FMN1: variants seen among roughly 807,000 people sequenced by gnomAD.
The protein encoded by FMN1 is formin-1.
Under a neutral mutation model 132.4 loss-of-function variants are expected in FMN1, and 110 were observed. The observed-to-expected ratio is 0.83, with a 90% confidence interval of 0.71 to 0.97. FMN1 has a LOEUF of 0.97. FMN1 is among the 50% of genes least tolerant of loss of function. The pLI, the probability that FMN1 is intolerant of heterozygous loss-of-function variation, is 0.00. For missense variants in FMN1, 1,792 were observed against 1,705.3 expected (o/e 1.05, Z -0.90); for synonymous variants, 722 against 651.7 (o/e 1.11, Z -1.64).
intron 19 of FMN1, among the ~76,000 whole-genome samples, chr15:32,789,252 C>A (rs1218743950): frequency 2.0e-5 from 3 of 152,092 alleles, no homozygotes; most frequent in African/African-American, 7.2e-5. Context: ...GAATAAAAAA[C>A]CAAATCATTA....
intron 15 of FMN1, among the ~76,000 whole-genome samples, chr15:32,892,357 A>G (rs965098876): frequency 6.6e-6 from 1 of 152,334 alleles, no homozygotes; most frequent in Admixed American, 6.5e-5. Flanking sequence ...GTGTTATCAC[A>G]TTTATTAACT....
At chr15:32,970,679 A>C in intron 7 of FMN1, 2 of 152,344 alleles carry the variant, frequency 1.3e-5, no homozygotes. Flanking sequence ...CCTTGGAGGG[A>C]AAGGTATACA....
chr15:33,096,462 C>G (rs913090674), intron 4 of FMN1, among the ~76,000 whole-genome samples: 5 of 152,160 alleles, frequency 3.3e-5, no homozygotes, highest in African/African-American at 9.7e-5. Flanking sequence ...CATCCAGATT[C>G]GTAAATCGCC....
At chr15:33,089,561 T>C (rs1352404755) in intron 4 of FMN1, among the ~76,000 whole-genome samples, 1 of 152,216 alleles carries the variant, frequency 6.6e-6, no homozygotes, top group Non-Finnish European at 1.5e-5. Flanking sequence ...CAAGTTTAGG[T>C]TTGCCATAGG....
In FMN1 at chr15:32,846,757, C is replaced by G. The variant is rs372371388; in HGVS notation, c.3928+10258G>C. ...TCATTCTGCTATAGAGATGCATGCA[C>G]ACGTATGTTTATTGCAGCACTATTT... On this transcript the variant is annotated intron_variant, in intron 17 of 20. Coordinates refer to ENST00000616417, the MANE Select transcript of FMN1 (RefSeq NM_001277313.2). Among the ~76,000 whole-genome samples, 30 of 152,278 alleles carry G rather than the reference C, an allele frequency of 2.0e-4. No homozygotes were observed. In the East Asian group the frequency reaches 4.1e-3, roughly 21 times the overall value.
At chr15:32,853,237 C>A (rs1307387545) in intron 17 of FMN1, among the ~76,000 whole-genome samples, 1 of 152,124 alleles carries the variant, frequency 6.6e-6, no homozygotes, top group Non-Finnish European at 1.5e-5. Context: ...ATCTTCTTTG[C>A]TGAAAGTCTT....
chr15:32,908,092 T>C (rs897149052), intron 12 of FMN1: 5 of 171,430 alleles, frequency 2.9e-5, no homozygotes, highest in Admixed American at 1.1e-4. Context: ...TTACTGGATA[T>C]GACCTTTAGG....
chr15:32,959,208 T>C (rs546615740), intron 9 of FMN1, among the ~76,000 whole-genome samples: 1 of 152,302 alleles, frequency 6.6e-6, no homozygotes, highest in African/African-American at 2.4e-5. Context: ...CCTCCTGGTC[T>C]TCTCATATGG....
At chr15:33,122,314 A>G (rs1032874457) in intron 4 of FMN1, among the ~76,000 whole-genome samples, 2 of 152,254 alleles carry the variant, frequency 1.3e-5, no homozygotes, top group African/African-American at 2.4e-5. Flanking sequence ...AAATTCAAGT[A>G]ACCATGTAAT....
chr15:32,960,993 C>T lies in FMN1; in HGVS notation c.3138+3114G>A, dbSNP rs1596349030. Among the ~76,000 whole-genome samples the T allele has an allele frequency of 3.6e-5, 2 of 56,050 alleles. 1 individual carries two copies. The highest frequency in any genetic ancestry group is 1.3e-4 in the African/African-American group (2 of 15,896). The allele number at this position is 56,050 out of a possible 152,430, so 36.8% of individuals were successfully genotyped here. Reference sequence around the variant, plus strand: ...CTAGATGACAAGAGTGAGACTCCGTCTCAAAAAAAAAAAAAAAAAAAAAAA... The same window carrying T: ...CTAGATGACAAGAGTGAGACTCCGTTTCAAAAAAAAAAAAAAAAAAAAAAA... On this transcript the variant is annotated intron_variant, in intron 9 of 20. Coordinates refer to ENST00000616417, the MANE Select transcript of FMN1 (RefSeq NM_001277313.2).
At chr15:33,046,896 AT>A (rs2086947920) in intron 6 of FMN1, among the ~76,000 whole-genome samples, 1 of 152,148 alleles carries the variant, frequency 6.6e-6, no homozygotes, top group South Asian at 2.1e-4. Context: ...GCACGGTTCT[AT>A]CATAAGGAAG....
At chr15:33,102,862 T>G (rs1456313950) in intron 4 of FMN1, among the ~76,000 whole-genome samples, 3 of 152,104 alleles carry the variant, frequency 2.0e-5, no homozygotes, top group African/African-American at 4.8e-5. Context: ...TTTTAGCAAA[T>G]TTTCAAACCA....
rs757712311 is a variant in FMN1 at position 32,769,168 on chromosome 15, A to T, written c.*5142T>A. 1.3e-5 allele frequency: 2 copies of T among 152,228 alleles called. No homozygotes were observed. The highest frequency in any genetic ancestry group is 2.9e-5 in the Non-Finnish European group (2 of 68,048). 9.4% of individuals were successfully genotyped at this position (152,228 alleles called of 1,614,324 possible). A position where few individuals can be genotyped will look rare whatever the true frequency, so the allele number is the denominator to read the frequency against. ...AGACAGTTAGCCAGCTGCCATTTTA[A>T]TATCTTCATGTTTCCAAGTTGTTAA... On this transcript the variant is annotated 3_prime_UTR_variant, in exon 21 of 21. Transcript: ENST00000616417.
intron 6 of FMN1, among the ~76,000 whole-genome samples, chr15:33,029,205 T>C (rs1596505588): frequency 6.6e-6 from 1 of 152,206 alleles, no homozygotes; most frequent in Admixed American, 6.5e-5. Flanking sequence ...ATTCGATTTA[T>C]AGCATAGAGA....
intron 17 of FMN1, among the ~76,000 whole-genome samples, chr15:32,854,919 A>AC (rs979789886): frequency 1.8e-4 from 28 of 151,824 alleles, no homozygotes; most frequent in Non-Finnish European, 2.9e-5. Flanking sequence ...CACCTCAAAA[A>AC]AAAAAACAAA....
chr15:33,162,521 G>T (rs1243480890), intron 3 of FMN1, among the ~76,000 whole-genome samples: 1 of 152,084 alleles, frequency 6.6e-6, no homozygotes, highest in Non-Finnish European at 1.5e-5. Flanking sequence ...TTAAAATATG[G>T]GCCTTGGACA....
At chr15:33,183,474 G>A (rs1361025732) in intron 2 of FMN1, among the ~76,000 whole-genome samples, 1 of 152,152 alleles carries the variant, frequency 6.6e-6, no homozygotes, top group African/African-American at 2.4e-5. Context: ...TACTTCTTGA[G>A]GACAGAGACT....
rs113208818 is a variant in FMN1 at position 33,154,056 on chromosome 15, C to T, written c.859G>A (p.Gly287Arg). 1.2e-5 allele frequency: 19 copies of T among 1,536,072 alleles called. No homozygotes were observed. Among genetic ancestry groups the T allele is most frequent in the African/African-American group, 4.1e-5 (3 of 73,120 alleles). The change falls in exon 4 of 21, where the codon GGG becomes AGG. Residue 287 changes from glycine to arginine, a missense_variant. This residue lies in a region of FMN1 where 638 missense variants were observed against 645.2 expected (regional missense o/e 0.99). Coordinates refer to ENST00000616417, the MANE Select transcript of FMN1 (RefSeq NM_001277313.2). ...GGDGIRRPPS[G>R]LEHQQTGLSE... ...AAACCTGTTTGCTGATGCTCCAGCC[C>T]GCTCGGCGGCCTCCGAATGCCATCC...
At chr15:32,943,349 T>C (rs2061438275) in intron 9 of FMN1, among the ~76,000 whole-genome samples, 1 of 152,224 alleles carries the variant, frequency 6.6e-6, no homozygotes, top group Non-Finnish European at 1.5e-5. Flanking sequence ...ACTTCTATTT[T>C]TGTGCCATCA....
Sources: gnomAD v4.1 joint callset for allele counts (sites outside exome capture counted in the v4.1 genomes callset) on GRCh38, gnomAD v4.1.1 for gene constraint, gnomAD v4.1.1 regional missense constraint, MANE v1.5 for transcripts, NCBI Gene and HGNC (gene_info 2026-07-23, HGNC 2026-07-21) for gene names.